Variants in ARHGAP6 observed in about 807,000 individuals in gnomAD.
ARHGAP6 encodes Rho GTPase activating protein 6.
ARHGAP6 carries 16 observed loss-of-function variants against 55.7 expected under a neutral mutation model. That is an observed-to-expected ratio of 0.29 (90% CI 0.19 to 0.44). ARHGAP6 has a LOEUF of 0.44. ARHGAP6 is among the 20% of genes least tolerant of loss of function. The probability of loss-of-function intolerance (pLI) is 1.00; values close to 1 mark genes in which losing one functional copy is unlikely to be tolerated. For synonymous variants in ARHGAP6, 382 were observed against 360.9 expected (o/e 1.06, Z -0.66); for missense variants, 698 against 808.9 (o/e 0.86, Z 1.66).
chrX:11,348,744 G>A (rs1410998370), intron 1 of ARHGAP6, among the ~76,000 whole-genome samples: 2 of 111,370 alleles, frequency 1.8e-5, no homozygotes, highest in East Asian at 5.6e-4. Flanking sequence ...CGACCTCCTA[G>A]GCTTAAGCGA....
Position 11,188,826 on chromosome X carries a change from G to A in ARHGAP6, c.979C>T (p.Leu327Phe). The A allele has an allele frequency of 4.1e-6, 5 of 1,211,685 alleles. No homozygotes were observed. Among genetic ancestry groups the A allele is most frequent in the African/African-American group, 1.7e-5 (1 of 57,772 alleles). The change falls in exon 4 of 13, where the codon CTC becomes TTC. Residue 327 changes from leucine to phenylalanine, a missense_variant. Physicochemically the swap from Leu to Phe is conservative, Grantham distance 22. Coordinates refer to ENST00000337414, the MANE Select transcript of ARHGAP6 (RefSeq NM_013427.3). ...CTGAGAGATGAGTTACTGCTTGAGA[G>A]TTCTTTGTTTTGTCTTTTATTTCCA... ...PFGNKRQNKE[L>F]SSSNSSLSST...
At chrX:11,433,574 T>G (rs1044429095) in intron 1 of ARHGAP6, among the ~76,000 whole-genome samples, 2 of 112,669 alleles carry the variant, frequency 1.8e-5, no homozygotes, top group African/African-American at 6.4e-5. Flanking sequence ...TTTATATCCA[T>G]AATCTAATGT....
At chrX:11,298,693 A>T in intron 1 of ARHGAP6, 2 of 1,210,451 alleles carry the variant, frequency 1.7e-6, no homozygotes, top group Admixed American at 4.4e-5. Flanking sequence ...GTGATCCCCC[A>T]GCAACCAATG....
At chrX:11,411,223 A>ATATATATATATATATAT (rs2049682938) in intron 1 of ARHGAP6, among the ~76,000 whole-genome samples, 1 of 79,483 alleles carries the variant, frequency 1.3e-5, no homozygotes, top group Non-Finnish European at 2.4e-5. Flanking sequence ...ATATATATAT[A>ATATATATATATATATAT]AAATATACAA....
Position 11,647,123 on chromosome X carries a change from C to G in ARHGAP6, c.588+17118G>C, listed in dbSNP as rs1179246970. Among the ~76,000 whole-genome samples the G allele has an allele frequency of 2.7e-5, 3 of 112,071 alleles. No homozygotes were observed. In the East Asian group the frequency reaches 8.4e-4, roughly 31 times the overall value. On this transcript the variant is annotated intron_variant, in intron 1 of 12. Transcript: ENST00000337414. The stretch of plus-strand genomic sequence containing the variant: ...ATACTTTGTTCTCTAGAGATGTTAA[C>G]GTAATTGCTGAGGATGCTTGCCAGT...
At chrX:11,554,396 T>C (rs887669580) in intron 1 of ARHGAP6, among the ~76,000 whole-genome samples, 7 of 111,587 alleles carry the variant, frequency 6.3e-5, no homozygotes, top group Non-Finnish European at 1.1e-4. Flanking sequence ...ACGGTGACCA[T>C]AGTTAACCAC....
intron 1 of ARHGAP6, among the ~76,000 whole-genome samples, chrX:11,333,513 C>T (rs1157442508): frequency 8.9e-6 from 1 of 111,758 alleles, no homozygotes; most frequent in Admixed American, 9.5e-5. Context: ...CTCCAGTATG[C>T]CTTTATTAGC....
chrX:11,424,604 G>A (rs1432444386), intron 1 of ARHGAP6, among the ~76,000 whole-genome samples: 1 of 111,558 alleles, frequency 9.0e-6, no homozygotes, highest in Admixed American at 9.5e-5. Context: ...CCTAGCATCA[G>A]TCATCTTCTC....
At chrX:11,558,312 GT>G (rs1468781407) in intron 1 of ARHGAP6, among the ~76,000 whole-genome samples, 1 of 111,820 alleles carries the variant, frequency 8.9e-6, no homozygotes, top group Non-Finnish European at 1.9e-5. Context: ...AGAAAATGAT[GT>G]CGGAGGATTG....
chrX:11,621,630 G>A (rs1474188809), intron 1 of ARHGAP6, among the ~76,000 whole-genome samples: 5 of 111,167 alleles, frequency 4.5e-5, no homozygotes, highest in Non-Finnish European at 7.5e-5. Context: ...TTGTAAAGGA[G>A]CATTTAAGAA....
intron 9 of ARHGAP6, among the ~76,000 whole-genome samples, chrX:11,166,473 CTT>C (rs1158941957): frequency 8.9e-6 from 1 of 112,135 alleles, no homozygotes; most frequent in Non-Finnish European, 1.9e-5. Flanking sequence ...CTTCATCCTT[CTT>C]TGTTTGGAAT....
intron 1 of ARHGAP6, among the ~76,000 whole-genome samples, chrX:11,557,483 C>CAAAA (rs113833524): frequency 1.1e-5 from 1 of 88,151 alleles, no homozygotes. Context: ...TTCTGAAAGG[C>CAAAA]AAAAAAAAAA....
At chrX:11,243,703 A>G (rs1034086317) in intron 2 of ARHGAP6, among the ~76,000 whole-genome samples, 1 of 112,468 alleles carries the variant, frequency 8.9e-6, no homozygotes, top group South Asian at 3.7e-4. Flanking sequence ...GGCCATATAT[A>G]AGACAGTGGT....
intron 2 of ARHGAP6, among the ~76,000 whole-genome samples, chrX:11,203,849 T>C (rs948792929): frequency 8.9e-6 from 1 of 111,909 alleles, no homozygotes; most frequent in Admixed American, 9.5e-5. Context: ...TCAGCCTACA[T>C]CTACGCTCAA....
chrX:11,510,632 A>G (rs2050776916), intron 1 of ARHGAP6, among the ~76,000 whole-genome samples: 1 of 111,330 alleles, frequency 9.0e-6, no homozygotes, highest in Admixed American at 9.7e-5. Flanking sequence ...GAATCAGAGT[A>G]AAAAAGCCCA....
rs1472145183 is a variant in ARHGAP6 at position 11,347,469 on chromosome X, G to A, written c.589-92762C>T. On this transcript the variant is annotated intron_variant, in intron 1 of 12. Transcript: ENST00000337414. The stretch of plus-strand genomic sequence containing the variant: ...TTCTTCTCAAAAGGATTCCCAAATA[G>A]GAAAAGAGTATGTAATAAAACAGAG... 2.7e-5 allele frequency among the ~76,000 whole-genome samples: 3 copies of A among 111,845 alleles called. No homozygotes were observed. In the East Asian group the frequency reaches 8.4e-4, roughly 31 times the overall value.
At position 11,320,766 on chromosome X, in the gene ARHGAP6, T is replaced by TACACACACAC. The variant is rs56815077; in HGVS notation, c.589-66069_589-66060dup. On this transcript the variant is annotated intron_variant, in intron 1 of 12. Coordinates refer to ENST00000337414, the MANE Select transcript of ARHGAP6 (RefSeq NM_013427.3). ...GCTCAATTCAAAGAAAATATCTCTT[T>TACACACACAC]ACACACACACACACACACACACACA... Among the ~76,000 whole-genome samples the TACACACACAC allele has an allele frequency of 8.8e-4, 75 of 85,667 alleles. 1 individual carries two copies. The highest frequency in any genetic ancestry group is 3.3e-3 in the East Asian group (8 of 2,440). 74.4% of individuals were successfully genotyped at this position (85,667 alleles called of 115,157 possible).
chrX:11,461,516 A>T (rs1035204152), intron 1 of ARHGAP6, among the ~76,000 whole-genome samples: 1 of 111,847 alleles, frequency 8.9e-6, no homozygotes, highest in Non-Finnish European at 1.9e-5. Flanking sequence ...TGCCTAACAC[A>T]CTTGCTGGAC....
intron 1 of ARHGAP6, among the ~76,000 whole-genome samples, chrX:11,648,496 G>A (rs1233085724): frequency 9.0e-6 from 1 of 111,630 alleles, no homozygotes; most frequent in Non-Finnish European, 1.9e-5. Flanking sequence ...ATTTACCATA[G>A]TATTGTTGCC....
Sources: allele counts gnomAD v4.1 joint callset (sites outside exome capture counted in the v4.1 genomes callset), GRCh38; gene constraint gnomAD v4.1.1; transcripts MANE v1.5; gene names NCBI Gene and HGNC (gene_info 2026-07-23, HGNC 2026-07-21).